Variants in CDC73 observed in about 807,000 individuals in gnomAD.
The protein encoded by CDC73 is parafibromin.
CDC73 carries 21 observed loss-of-function variants against 83.7 expected under a neutral mutation model. The ratio of observed to expected loss-of-function variants is 0.25; its 90% CI spans 0.18 to 0.36. The LOEUF (loss-of-function observed/expected upper bound fraction) is 0.36, where lower values mean the gene tolerates loss of function less well. Ranked by LOEUF, CDC73 falls within the 10% of genes least tolerant of loss-of-function variation. The pLI is 1.00. For missense variants in CDC73, 342 were observed against 653.3 expected (o/e 0.52, Z 5.19); for synonymous variants, 224 against 212.9 (o/e 1.05, Z -0.45).
chr1:193,215,571 C>T (rs1572204286), intron 13 of CDC73, among the ~76,000 whole-genome samples: 1 of 149,288 alleles, frequency 6.7e-6, no homozygotes, highest in South Asian at 2.1e-4. Flanking sequence ...CGCTTTTGGG[C>T]AAAGAATGAA....
rs1349739877 is a variant in CDC73, at chr1:193,254,217, TTGTC to T, written c.*3508_*3511del. Among the ~76,000 whole-genome samples, 4 of 152,012 alleles carry T rather than the reference TTGTC, an allele frequency of 2.6e-5. No individual in the cohort carries two copies. The highest frequency in any genetic ancestry group is 7.2e-5 in the African/African-American group (3 of 41,434). On this transcript the variant is annotated 3_prime_UTR_variant, in exon 17 of 17. Transcript: ENST00000367435. Reference sequence around the variant, plus strand: ...GATTCTTAATAAAGAAATTATTGGTTTGTCTGGTTAAAGTCCATATAGAATGCTG... The same window carrying T: ...GATTCTTAATAAAGAAATTATTGGTTTGGTTAAAGTCCATATAGAATGCTG...
intron 3 of CDC73, among the ~76,000 whole-genome samples, chr1:193,133,951 A>G (rs1675741321): frequency 6.6e-6 from 1 of 151,800 alleles, no homozygotes; most frequent in Non-Finnish European, 1.5e-5. Context: ...TGTAAGTTTG[A>G]TAATATGCTC....
intron 10 of CDC73, among the ~76,000 whole-genome samples, chr1:193,173,900 TA>T (rs1384476798): frequency 2.0e-5 from 3 of 152,188 alleles, no homozygotes; most frequent in Admixed American, 1.3e-4. Context: ...TGAGCATATG[TA>T]ATTTTGGGAT....
chr1:193,218,733 T>A (rs1359222915), intron 13 of CDC73, among the ~76,000 whole-genome samples: 1 of 152,116 alleles, frequency 6.6e-6, no homozygotes, highest in Non-Finnish European at 1.5e-5. Context: ...CCGAACCCCT[T>A]CCTTTCACCA....
At chr1:193,166,549 C>T (rs1415295528) in intron 10 of CDC73, among the ~76,000 whole-genome samples, 2 of 151,944 alleles carry the variant, frequency 1.3e-5, no homozygotes, top group African/African-American at 4.8e-5. Context: ...TTTAAAGGGC[C>T]AGAAACTAAG....
Position 193,252,313 on chromosome 1 carries a change from A to G in CDC73, c.*1601A>G, listed in dbSNP as rs1678056369. On this transcript the variant is annotated 3_prime_UTR_variant, in exon 17 of 17. Transcript: ENST00000367435. ...TTTACATTAGGCTTTCTTAGCATAT[A>G]AATATATTTCCAAAATAAATTACAT... The G allele has an allele frequency of 8.7e-6, 2 of 230,262 alleles. No individual in the cohort carries two copies. The highest frequency in any genetic ancestry group is 8.6e-6 in the Non-Finnish European group (1 of 116,236). 14.3% of individuals were successfully genotyped at this position (230,262 alleles called of 1,614,324 possible).
At chr1:193,151,471 A>T (rs898291267) in intron 9 of CDC73, among the ~76,000 whole-genome samples, 1 of 152,208 alleles carries the variant, frequency 6.6e-6, no homozygotes, top group Non-Finnish European at 1.5e-5. Context: ...AATTGATCAC[A>T]TATATTGTTT....
intron 6 of CDC73, 111 bp from the exon 7 acceptor site, chr1:193,141,739 A>G: frequency 1.4e-6 from 1 of 727,488 alleles, no homozygotes; most frequent in Non-Finnish European, 2.4e-6. Context: ...GAAAACCTTA[A>G]TTATTGCCAT....
At chr1:193,158,189 A>G (rs1463147611) in intron 10 of CDC73, among the ~76,000 whole-genome samples, 1 of 151,872 alleles carries the variant, frequency 6.6e-6, no homozygotes. Context: ...TTTTCTTTCA[A>G]GTAATTGGGG....
chr1:193,198,026 T>C (rs1275354423), intron 10 of CDC73, among the ~76,000 whole-genome samples: 1 of 152,082 alleles, frequency 6.6e-6, no homozygotes, highest in African/African-American at 2.4e-5. Flanking sequence ...ATTCATTTAA[T>C]AGATAAAGCA....
intron 10 of CDC73, among the ~76,000 whole-genome samples, chr1:193,201,431 A>C (rs1411839646): frequency 2.0e-5 from 3 of 152,210 alleles, no homozygotes; most frequent in African/African-American, 4.8e-5. Flanking sequence ...TTTCTCCATG[A>C]GTCAAGGGTC....
At chr1:193,152,328 A>T (rs1676128399) in intron 9 of CDC73, 52 bp from the exon 10 acceptor site, 4 of 1,138,676 alleles carry the variant, frequency 3.5e-6, no homozygotes, top group Non-Finnish European at 5.3e-6. Flanking sequence ...GTTATAGGTC[A>T]TAAGATACAT....
At chr1:193,189,942 G>C (rs557832301) in intron 10 of CDC73, among the ~76,000 whole-genome samples, 2 of 152,238 alleles carry the variant, frequency 1.3e-5, no homozygotes, top group Admixed American at 1.3e-4. Flanking sequence ...AGAAAGGTAG[G>C]GGGAGAGCAC....
chr1:193,233,976 T>C (rs911200156), intron 14 of CDC73, among the ~76,000 whole-genome samples: 1 of 151,614 alleles, frequency 6.6e-6, no homozygotes, highest in Admixed American at 6.6e-5. Context: ...GAATTTACCT[T>C]TGAAGTACTT....
intron 15 of CDC73, among the ~76,000 whole-genome samples, chr1:193,238,926 A>G (rs1677811235): frequency 6.6e-6 from 1 of 152,204 alleles, no homozygotes; most frequent in Admixed American, 6.5e-5. Context: ...AAATCCATGT[A>G]TAAATGAACC....
chr1:193,163,533 G>A (rs1676379200), intron 10 of CDC73, among the ~76,000 whole-genome samples: 1 of 151,892 alleles, frequency 6.6e-6, no homozygotes, highest in Non-Finnish European at 1.5e-5. Flanking sequence ...GTTACTTTAA[G>A]AAGAAACTTC....
intron 10 of CDC73, among the ~76,000 whole-genome samples, chr1:193,183,602 C>T (rs1483121969): frequency 1.3e-5 from 2 of 151,020 alleles, no homozygotes; most frequent in African/African-American, 2.4e-5. Flanking sequence ...AAATAGCTGG[C>T]CATTCTTTTT....
chr1:193,139,203 T>A (rs930089884), intron 6 of CDC73, among the ~76,000 whole-genome samples: 1 of 152,154 alleles, frequency 6.6e-6, no homozygotes, highest in Non-Finnish European at 1.5e-5. Context: ...CTTTACTTAA[T>A]TTTTTTTATG....
At chr1:193,195,682 G>A in intron 10 of CDC73, among the ~76,000 whole-genome samples, 1 of 151,992 alleles carries the variant, frequency 6.6e-6, no homozygotes, top group East Asian at 1.9e-4. Context: ...TTTTGTTACT[G>A]GATTTTGATA....
Sources: allele counts gnomAD v4.1 joint callset (sites outside exome capture counted in the v4.1 genomes callset), GRCh38; gene constraint gnomAD v4.1.1; transcripts MANE v1.5; gene names NCBI Gene and HGNC (gene_info 2026-07-23, HGNC 2026-07-21).